The following SON variants were observed in gnomAD, a reference collection of about 807,000 sequenced individuals.
The protein encoded by SON is protein SON.
SON carries 4 observed loss-of-function variants against 173.3 expected under a neutral mutation model. The ratio of observed to expected loss-of-function variants is 0.02; its 90% CI spans 0.01 to 0.05. The LOEUF is 0.05. Ranked by LOEUF, SON falls within the 10% of genes least tolerant of loss-of-function variation. The pLI is 1.00. For synonymous variants in SON, 1,190 were observed against 1,105.9 expected (o/e 1.08, Z -1.51); for missense variants, 2,626 against 3,055.3 (o/e 0.86, Z 3.31).
chr21:33,551,565 T>A lies in SON; in HGVS notation c.2334T>A (p.Thr778=). Residue 778 remains threonine (T), a synonymous_variant, in exon 3 of 12, where the codon ACT becomes ACA. Transcript: ENST00000356577. ...CCATGGACTCCCAGATGTTAGCAAC[T>A]AGCTCCATGGACTCCCAGATGTTAG... The part of the protein sequence containing the change: ...TSSMDSQMLA[T]SSMDSQMLAT... The A allele has an allele frequency of 6.2e-7, 1 of 1,609,338 alleles. No individual in the cohort carries two copies. The highest frequency in any genetic ancestry group is 8.5e-7 in the Non-Finnish European group (1 of 1,178,664).
intron 8 of SON, 38 bp from the exon 9 acceptor site, chr21:33,573,270 G>A: frequency 6.4e-7 from 1 of 1,564,226 alleles, no homozygotes; most frequent in Non-Finnish European, 8.7e-7. Flanking sequence ...AGTTCTAACT[G>A]TAAAATGGGG....
chr21:33,544,835 T>C (rs2085577580), intron 1 of SON, among the ~76,000 whole-genome samples: 1 of 152,254 alleles, frequency 6.6e-6, no homozygotes, highest in African/African-American at 2.4e-5. Context: ...AAATTTGTCA[T>C]AATTATGTAT....
In SON at chr21:33,577,018, C is replaced by A. The variant is rs377261139; in HGVS notation, c.*594C>A. 3 of 165,818 alleles carry A rather than the reference C, an allele frequency of 1.8e-5. No homozygotes were observed. 10.3% of individuals were successfully genotyped at this position (165,818 alleles called of 1,614,324 possible). Reference sequence around the variant, plus strand: ...CCAGTGTTATTGAGGTGATCAAGATCTGTTCCACAGGGCTAATGCCACCAT... The same window carrying A: ...CCAGTGTTATTGAGGTGATCAAGATATGTTCCACAGGGCTAATGCCACCAT... On this transcript the variant is annotated 3_prime_UTR_variant, in exon 12 of 12. Coordinates refer to ENST00000356577, the MANE Select transcript of SON (RefSeq NM_138927.4).
rs780386730 is a variant in SON, at chr21:33,550,876, C to A, written c.1645C>A (p.Pro549Thr). 40 of 1,612,100 alleles carry A rather than the reference C, an allele frequency of 2.5e-5. No homozygotes were observed. In the South Asian group the frequency reaches 4.0e-4, roughly 16 times the overall value. Reference protein sequence around the residue: ...QPEATMVLELPGQPVATTALE... With the variant: ...QPEATMVLELTGQPVATTALE... The stretch of plus-strand genomic sequence containing the variant: ...TGAGGCAACGATGGTGCTGGAGTTG[C>A]CAGGACAGCCAGTGGCAACGACAGC... Residue 549 changes from proline to threonine, a missense_variant, in exon 3 of 12, where the codon CCA becomes ACA. By Grantham distance (38) the Pro-to-Thr change is conservative. Coordinates refer to ENST00000356577, the MANE Select transcript of SON (RefSeq NM_138927.4).
chr21:33,571,880 A>G (rs781005497), intron 8 of SON: 5 of 152,636 alleles, frequency 3.3e-5, no homozygotes, highest in African/African-American at 1.2e-4. Flanking sequence ...CATGGCCTGC[A>G]CCAAATAAGG....
chr21:33,543,559 T>C (rs185205655), intron 1 of SON: 22 of 262,402 alleles, frequency 8.4e-5, no homozygotes, highest in African/African-American at 5.0e-4. Flanking sequence ...CCGCGGATTT[T>C]GCCGGCCGGT....
chr21:33,543,399 T>G (rs534380237), intron 1 of SON: 1 of 580,182 alleles, frequency 1.7e-6, no homozygotes, highest in South Asian at 2.0e-5. Context: ...ACTCCCTGTT[T>G]CAGAACCGAG....
chr21:33,573,142 GAACA>G, intron 8 of SON, 162 bp from the exon 9 acceptor site: 1 of 525,446 alleles, frequency 1.9e-6, no homozygotes, highest in Non-Finnish European at 3.4e-6. Flanking sequence ...CAAATAATCA[GAACA>G]TACACACTAC....
Position 33,553,688 on chromosome 21 carries a change from G to C in SON, c.4457G>C (p.Gly1486Ala), listed in dbSNP as rs1487393126. 6.2e-7 allele frequency: 1 copy of C among 1,614,006 alleles called. No homozygotes were observed. The highest frequency in any genetic ancestry group is 8.5e-7 in the Non-Finnish European group (1 of 1,180,012). ...SSIMSSHVMKGINLSSGDQNL... is the reference protein window; with the variant it reads ...SSIMSSHVMKAINLSSGDQNL... ...ATCATGTCATCACATGTTATGAAAG[G>C]AATTAATCTATCCTCTGGTGATCAA... Residue 1486 changes from glycine to alanine, a missense_variant, in exon 3 of 12, where the codon GGA becomes GCA. This residue lies in a region of SON where 1,006 missense variants were observed against 895.6 expected (regional missense o/e 1.12). Transcript: ENST00000356577.
rs1356475677 is a variant in SON at position 33,572,657 on chromosome 21, AAAAGTC to A, written c.6886-650_6886-645del. On this transcript the variant is annotated intron_variant, in intron 8 of 11. Coordinates refer to ENST00000356577, the MANE Select transcript of SON (RefSeq NM_138927.4). ...TATGTAAACATTTAAGGAGTTTTTT[AAAAGTC>A]TTTTAACATCAAGCTAGGTTTTAAA... The A allele has an allele frequency of 2.5e-6, 3 of 1,214,704 alleles. No individual in the cohort carries two copies. The Admixed American group carries it at 6.9e-5, about 28-fold the overall frequency. The allele number at this position is 1,214,704 out of a possible 1,614,324, so 75.2% of individuals were successfully genotyped here.
chr21:33,560,011 T>C (rs368311406), intron 6 of SON: 1 of 1,614,186 alleles, frequency 6.2e-7, no homozygotes, highest in Non-Finnish European at 8.5e-7. Context: ...CAGAGAACAG[T>C]GTTATCACAT....
In SON at chr21:33,553,241, C is replaced by T. The variant is rs746789348; in HGVS notation, c.4010C>T (p.Pro1337Leu). ...TSLLVPAVTT[P>L]VLAESILEPP... The stretch of plus-strand genomic sequence containing the variant: ...TTGTTGGTTCCAGCAGTAACTACTC[C>T]AGTGCTGGCAGAGAGCATTCTGGAG... Residue 1337 changes from proline (P) to leucine (L), a missense_variant, in exon 3 of 12, where the codon CCA becomes CTA. Coordinates refer to ENST00000356577, the MANE Select transcript of SON (RefSeq NM_138927.4). 13 of 1,614,004 alleles carry T rather than the reference C, an allele frequency of 8.1e-6. No individual in the cohort carries two copies. Among genetic ancestry groups the T allele is most frequent in the Non-Finnish European group, 1.0e-5 (12 of 1,180,030 alleles).
At chr21:33,558,206 G>A (rs1219331363) in intron 4 of SON, 3 of 152,410 alleles carry the variant, frequency 2.0e-5, no homozygotes, top group Admixed American at 1.3e-4. Flanking sequence ...TCTACTGCTT[G>A]TATAGAGACA....
Position 33,546,287 on chromosome 21 carries a change from C to G in SON, c.152C>G (p.Ala51Gly). 1 of 1,613,706 alleles carries G rather than the reference C, an allele frequency of 6.2e-7. No homozygotes were observed. Among genetic ancestry groups the G allele is most frequent in the Non-Finnish European group, 8.5e-7 (1 of 1,179,782 alleles). ...GGAAACCAGGCGGGTGATGCAGCTG[C>G]CTCTGCCAGGAGTCTACCAAATGAA... ...IEGNQAGDAA[A>G]SARSLPNEEI... is the part of the protein sequence containing the mutation. The change falls in exon 2 of 12, where the codon GCC becomes GGC. Residue 51 changes from alanine (A) to glycine (G), a missense_variant. This residue lies in a region of SON where 757 missense variants were observed against 730.1 expected (regional missense o/e 1.04). Coordinates refer to ENST00000356577, the MANE Select transcript of SON (RefSeq NM_138927.4).
chr21:33,558,960 T>C (rs903985209), intron 4 of SON: 1 of 45,812 alleles, frequency 2.2e-5, no homozygotes, highest in Non-Finnish European at 6.4e-5. Context: ...TGTCTTCTAC[T>C]TTTTTTTTTT....
In SON at chr21:33,559,736, AGAT is replaced by A; in HGVS notation, c.6625_6627del (p.Asp2209del). ...TGGAGAAAAATGGTGAAGAAAACAA[AGAT>A]GATGATAATGTTTTCAGCAGCAATT... On this transcript the variant is annotated inframe_deletion, in exon 6 of 12. Coordinates refer to ENST00000356577, the MANE Select transcript of SON (RefSeq NM_138927.4). This position sits in a 1 kb window ranked among gnomAD's most constrained non-coding sequence, Gnocchi z 4.1. 1.9e-6 allele frequency: 3 copies of A among 1,614,178 alleles called. No individual in the cohort carries two copies. In the South Asian group the frequency reaches 3.3e-5, roughly 18 times the overall value.
In SON at chr21:33,555,201, T is replaced by TCGGAGCCGCACCCCAAGCCGC; in HGVS notation, c.5976_5996dup (p.Ser1992_Arg1998dup). 6.4e-7 allele frequency: 1 copy of TCGGAGCCGCACCCCAAGCCGC among 1,565,618 alleles called. No homozygotes were observed. Among genetic ancestry groups the TCGGAGCCGCACCCCAAGCCGC allele is most frequent in the Non-Finnish European group, 8.6e-7 (1 of 1,160,116 alleles). On this transcript the variant is annotated inframe_insertion, in exon 3 of 12. Coordinates refer to ENST00000356577, the MANE Select transcript of SON (RefSeq NM_138927.4). Reference sequence around the variant, plus strand: ...GCCGCCGGAGCCGCACCCCTAGCCGTCGGAGCCGCACCCCAAGCCGCCGGA... The same window carrying TCGGAGCCGCACCCCAAGCCGC: ...GCCGCCGGAGCCGCACCCCTAGCCGTCGGAGCCGCACCCCAAGCCGCCGGAGCCGCACCCCAAGCCGCCGGA...
chr21:33,554,579 C>T lies in SON; in HGVS notation c.5348C>T (p.Ser1783Phe). The change falls in exon 3 of 12, where the codon TCT becomes TTT. Residue 1783 changes from serine to phenylalanine, a missense_variant. By Grantham distance (155) the Ser-to-Phe change is radical. Around this residue, in one of 13 missense-constraint regions of SON, gnomAD observed 1,006 missense variants for 895.6 expected, o/e 1.12. Coordinates refer to ENST00000356577, the MANE Select transcript of SON (RefSeq NM_138927.4). Reference protein sequence around the residue: ...SSMPERASESSSEEKDDYEIF... With the variant: ...SSMPERASESFSEEKDDYEIF... ...ATGCCAGAAAGAGCTTCAGAGTCTT[C>T]TTCAGAGGAAAAAGATGATTATGAA... 6.2e-7 allele frequency: 1 copy of T among 1,613,846 alleles called. No homozygotes were observed. The highest frequency in any genetic ancestry group is 8.5e-7 in the Non-Finnish European group (1 of 1,180,000).
rs1328817515 is a variant in SON, at chr21:33,554,800, C to T, written c.5569C>T (p.His1857Tyr). 5.6e-6 allele frequency: 9 copies of T among 1,613,796 alleles called. No individual in the cohort carries two copies. The African/African-American group carries it at 8.0e-5, about 14-fold the overall frequency. ...ARKRSSKSKS[H>Y]RSQTRSRSRS... ...AAAGAGATCATCTAAGTCCAAGTCT[C>T]ATCGCTCTCAGACACGTTCACGGTC... The change falls in exon 3 of 12, where the codon CAT (histidine) becomes TAT (tyrosine). Residue 1857 changes from histidine to tyrosine, a missense_variant. His to Tyr is a moderately conservative substitution (Grantham distance 83). Around this residue, in one of 13 missense-constraint regions of SON, gnomAD observed 1,006 missense variants for 895.6 expected, o/e 1.12. Transcript: ENST00000356577.
Sources: allele counts gnomAD v4.1 joint callset (sites outside exome capture counted in the v4.1 genomes callset), GRCh38; gene constraint gnomAD v4.1.1; regional missense constraint gnomAD v4.1.1; non-coding constraint Gnocchi (gnomAD v3.1); transcripts MANE v1.5; gene names NCBI Gene and HGNC (gene_info 2026-07-23, HGNC 2026-07-21).